The following DTD1 variants were observed in gnomAD, a reference collection of about 807,000 sequenced individuals.
DTD1 encodes the protein D-tyrosyl-tRNA deacylase 1 homolog.
In DTD1, 13 loss-of-function variants were observed where a neutral mutation model predicts 25.6. The observed-to-expected ratio is 0.51, with a 90% CI of 0.33 to 0.81. The LOEUF (loss-of-function observed/expected upper bound fraction) is 0.81, where lower values mean the gene tolerates loss of function less well. Among genes scored for constraint, DTD1 ranks in the 30% least tolerant of loss-of-function variants. The pLI is 0.02. For missense variants in DTD1, 193 were observed against 266.4 expected, an observed-to-expected ratio of 0.72 and a Z score of 1.92; for synonymous variants, 110 against 103.6, an observed-to-expected ratio of 1.06 and a Z score of -0.37.
chr20:18,688,597 G>C (rs894940801), intron 4 of DTD1, among the ~76,000 whole-genome samples: 1 of 146,118 alleles, frequency 6.8e-6, no homozygotes, highest in Non-Finnish European at 1.5e-5. Flanking sequence ...GTAACACTTT[G>C]GGGGCATAAA....
chr20:18,676,906 A>G (rs531819383), intron 4 of DTD1, among the ~76,000 whole-genome samples: 11 of 152,310 alleles, frequency 7.2e-5, no homozygotes, highest in African/African-American at 2.2e-4. Context: ...AAAGGGCAGG[A>G]AAGGGAAGGA....
At chr20:18,708,928 C>T (rs542133974) in intron 4 of DTD1, among the ~76,000 whole-genome samples, 2 of 152,234 alleles carry the variant, frequency 1.3e-5, no homozygotes, top group South Asian at 2.1e-4. Context: ...TAAGTAAAAG[C>T]GATGGGTTTG....
intron 3 of DTD1, among the ~76,000 whole-genome samples, chr20:18,613,545 T>G (rs185951727): frequency 3.3e-5 from 5 of 152,324 alleles, no homozygotes; most frequent in Admixed American, 3.3e-4. Context: ...AAGGCTGTCA[T>G]TTTATTCCCA....
In DTD1 at chr20:18,731,663, A is replaced by G. The variant is rs139002654; in HGVS notation, c.478-12437A>G. 3.7e-3 allele frequency among the ~76,000 whole-genome samples: 566 copies of G among 152,248 alleles called. 3 individuals carry two copies. The highest frequency in any genetic ancestry group is 0.013 in the African/African-American group (548 of 41,534). On this transcript the variant is annotated intron_variant, in intron 4 of 5. Transcript: ENST00000377452. ...ACATTATTTTTTCATGCTGCTATAC[A>G]GATGAAGACTCAACACTCTTCACTC...
chr20:18,723,760 C>T (rs1382428324), intron 4 of DTD1, among the ~76,000 whole-genome samples: 1 of 152,164 alleles, frequency 6.6e-6, no homozygotes, highest in Non-Finnish European at 1.5e-5. Context: ...AGGATTTTAA[C>T]CTATTGCTTC....
chr20:18,657,296 A>AT (rs560721288), intron 4 of DTD1, among the ~76,000 whole-genome samples: 32 of 152,298 alleles, frequency 2.1e-4, no homozygotes, highest in Middle Eastern at 6.8e-3. Context: ...ATGCATTACT[A>AT]TTTTTGCATT....
chr20:18,737,624 C>G (rs2061261355), intron 4 of DTD1, among the ~76,000 whole-genome samples: 1 of 152,220 alleles, frequency 6.6e-6, no homozygotes, highest in African/African-American at 2.4e-5. Context: ...ACACAGGGCC[C>G]TTTCCTGAGG....
chr20:18,657,878 T>C lies in DTD1; in HGVS notation c.477+29645T>C, dbSNP rs1007187831. On this transcript the variant is annotated intron_variant, in intron 4 of 5. Transcript: ENST00000377452. ...TGAGTGAGCAGTTCAAGGTGGAGGC[T>C]ACAGCGTCCTTCAGGGCCTCGCCTT... Among the ~76,000 whole-genome samples, 43 of 152,176 alleles carry C rather than the reference T, an allele frequency of 2.8e-4. 1 individual carries two copies. Among genetic ancestry groups the C allele is most frequent in the Admixed American group, 1.8e-3 (28 of 15,282 alleles).
At chr20:18,639,126 C>T (rs1236122351) in intron 4 of DTD1, among the ~76,000 whole-genome samples, 1 of 149,162 alleles carries the variant, frequency 6.7e-6, no homozygotes, top group Non-Finnish European at 1.5e-5. Context: ...TTTTAGTGAT[C>T]CTTGGGCACA....
At chr20:18,760,256 A>C (rs1304581876) in intron 5 of DTD1, among the ~76,000 whole-genome samples, 1 of 152,150 alleles carries the variant, frequency 6.6e-6, no homozygotes, top group African/African-American at 2.4e-5. Flanking sequence ...TTCTCTGTCC[A>C]GCTTTGTTCC....
At position 18,619,136 on chromosome 20, in the gene DTD1, C is replaced by T. The variant is rs112441823; in HGVS notation, c.371-8991C>T. ...CTGGGATTACAGGCATGAGCTACCT[C>T]CCCTGGCCTGTTCATTTTTTCTGTC... On this transcript the variant is annotated intron_variant, in intron 3 of 5. Coordinates refer to ENST00000377452, the MANE Select transcript of DTD1 (RefSeq NM_080820.6). 3.7e-3 allele frequency among the ~76,000 whole-genome samples: 569 copies of T among 152,282 alleles called. 4 individuals carry two copies. The highest frequency in any genetic ancestry group is 6.9e-3 in the Non-Finnish European group (467 of 68,028).
chr20:18,616,161 C>T (rs560214764), intron 3 of DTD1, among the ~76,000 whole-genome samples: 42 of 152,300 alleles, frequency 2.8e-4, no homozygotes, highest in African/African-American at 7.9e-4. Context: ...GGCTGTTGCT[C>T]TTGTGTAAAA....
intron 4 of DTD1, among the ~76,000 whole-genome samples, chr20:18,649,820 A>G (rs2060866876): frequency 6.6e-6 from 1 of 152,210 alleles, no homozygotes; most frequent in Non-Finnish European, 1.5e-5. Context: ...CTCAGTAGGC[A>G]GCAGAGAAAG....
intron 4 of DTD1, among the ~76,000 whole-genome samples, chr20:18,693,128 A>G (rs988152786): frequency 6.6e-6 from 1 of 151,960 alleles, no homozygotes; most frequent in South Asian, 2.1e-4. Context: ...CCTGACCTCC[A>G]GTGATCCACC....
chr20:18,612,305 A>AT (rs2060690594), intron 3 of DTD1, among the ~76,000 whole-genome samples: 1 of 152,108 alleles, frequency 6.6e-6, no homozygotes, highest in African/African-American at 2.4e-5. Context: ...AAGTGCTGGG[A>AT]TTACAGGGGT....
intron 4 of DTD1, among the ~76,000 whole-genome samples, chr20:18,702,954 T>G (rs1397523664): frequency 6.6e-6 from 1 of 152,064 alleles, no homozygotes; most frequent in South Asian, 2.1e-4. Context: ...CCAGCAGGAG[T>G]CCATAGCTTC....
intron 4 of DTD1, among the ~76,000 whole-genome samples, chr20:18,697,967 C>T (rs972845684): frequency 6.6e-6 from 1 of 152,200 alleles, no homozygotes. Context: ...TCTACCATAA[C>T]TTTACTCTTG....
intron 4 of DTD1, chr20:18,698,642 C>G (rs1057389256): frequency 2.6e-5 from 4 of 152,262 alleles, no homozygotes; most frequent in African/African-American, 7.2e-5. Context: ...ATGTCCAGCC[C>G]TCCAGCTGTG....
chr20:18,692,890 ATTTT>A (rs34962546), intron 4 of DTD1, among the ~76,000 whole-genome samples: 1 of 112,466 alleles, frequency 8.9e-6, no homozygotes, highest in African/African-American at 3.6e-5. Context: ...CAGGACATGG[ATTTT>A]TTTTTTTTTT....
Sources: allele counts gnomAD v4.1 joint callset (sites outside exome capture counted in the v4.1 genomes callset), GRCh38; gene constraint gnomAD v4.1.1; transcripts MANE v1.5; gene names NCBI Gene and HGNC (gene_info 2026-07-23, HGNC 2026-07-21).